Variants in TRIQK observed in about 807,000 individuals in gnomAD.
The protein encoded by TRIQK is triple QxxK/R motif containing.
Under a neutral mutation model 10.8 loss-of-function variants are expected in TRIQK, and 10 were observed. The observed-to-expected ratio is 0.92, with a 90% CI of 0.57 to 1.57. TRIQK has a LOEUF of 1.57. TRIQK is among the 40% of genes most tolerant of loss of function. The pLI is 0.00. For synonymous variants in TRIQK, 33 were observed against 33.7 expected, an observed-to-expected ratio of 0.98 and a Z score of 0.07; for missense variants, 107 against 97.7, an observed-to-expected ratio of 1.09 and a Z score of -0.40.
intron 1 of TRIQK, among the ~76,000 whole-genome samples, chr8:92,987,217 T>G (rs945293517): frequency 6.6e-6 from 1 of 152,218 alleles, no homozygotes; most frequent in Admixed American, 6.5e-5. Flanking sequence ...ACTGACTTAC[T>G]TAAGTGACAT....
chr8:92,886,727 GC>G lies in TRIQK; in HGVS notation c.155del (p.Gly52AlafsTer37). The G allele has an allele frequency of 6.6e-7, 1 of 1,526,354 alleles. No homozygotes were observed. 94.6% of individuals were successfully genotyped at this position (1,526,354 alleles called of 1,614,324 possible). Reference protein sequence around the residue: ...KKTAIGIKEVGLVLAAILALL... With the variant: ...KKTAIGIKEVXLVLAAILALL... ...GTGCCAATATAGCTGCAAGTACAAG[GC>G]CAACTTCCTGGGAAGAAAAAAAAAG... On this transcript the variant is annotated frameshift_variant, in exon 5 of 5. Transcript: ENST00000521988. LOFTEE classifies it high-confidence loss of function.
intron 2 of TRIQK, among the ~76,000 whole-genome samples, chr8:92,952,547 T>G (rs555485462): frequency 1.3e-5 from 2 of 151,784 alleles, no homozygotes; most frequent in African/African-American, 4.8e-5. Context: ...GAAGAAATAT[T>G]TGAAACAATA....
intron 2 of TRIQK, chr8:92,922,748 T>C (rs1298020100): frequency 1.3e-5 from 2 of 151,814 alleles, no homozygotes; most frequent in Non-Finnish European, 3.0e-5. Context: ...GGGCCTATGC[T>C]TTATGAACAG....
chr8:92,940,073 T>C (rs1188164225), intron 2 of TRIQK, among the ~76,000 whole-genome samples: 1 of 152,008 alleles, frequency 6.6e-6, no homozygotes, highest in Non-Finnish European at 1.5e-5. Context: ...ACCCAGAGAG[T>C]AGCATTATCT....
At chr8:92,901,689 G>A (rs373097193) in intron 3 of TRIQK, among the ~76,000 whole-genome samples, 9 of 152,040 alleles carry the variant, frequency 5.9e-5, no homozygotes, top group East Asian at 3.9e-4. Context: ...TTCATTAGGA[G>A]TGGCCTGTAG....
rs568218111 is a variant in TRIQK at position 92,991,042 on chromosome 8, C to T, written c.-181+26567G>A. ...TTCCAGCACAGCAGTCTGAAGTTGACGAGGAACACTCTGGCTTGGTGGGGG... is the reference window on the plus strand; with the variant it reads ...TTCCAGCACAGCAGTCTGAAGTTGATGAGGAACACTCTGGCTTGGTGGGGG... On this transcript the variant is annotated intron_variant, in intron 1 of 4. Coordinates refer to the TRIQK transcript ENST00000520686. Among the ~76,000 whole-genome samples the T allele has an allele frequency of 3.0e-4, 46 of 152,268 alleles. 1 individual carries two copies. The highest frequency in any genetic ancestry group is 9.1e-4 in the African/African-American group (38 of 41,564).
intron 3 of TRIQK, among the ~76,000 whole-genome samples, chr8:92,898,833 GTATATATA>G (rs67063066): frequency 0.032 from 2,381 of 73,896 alleles, 85 homozygotes; most frequent in Admixed American, 0.085. Context: ...GTGTGTGTGT[GTATATATA>G]TATATATATA....
intron 3 of TRIQK, among the ~76,000 whole-genome samples, chr8:92,909,939 A>C (rs766728916): frequency 6.6e-6 from 1 of 151,596 alleles, no homozygotes; most frequent in African/African-American, 2.4e-5. Context: ...AGAAAAATTA[A>C]ACAACGACAT....
intron 2 of TRIQK, among the ~76,000 whole-genome samples, chr8:92,935,766 A>G (rs551185068): frequency 7.9e-5 from 12 of 151,642 alleles, no homozygotes; most frequent in African/African-American, 2.7e-4. Context: ...CTCAATATTC[A>G]GCAGAGATTA....
chr8:92,920,235 T>A lies in TRIQK; in HGVS notation c.-21-3225A>T, dbSNP rs117415938. Reference sequence around the variant, plus strand: ...CCTTTTCTTCCTAGCACAGACTCTATTTCCTAGCCTCAATTACAATATGTC... The same window carrying A: ...CCTTTTCTTCCTAGCACAGACTCTAATTCCTAGCCTCAATTACAATATGTC... On this transcript the variant is annotated intron_variant, in intron 2 of 4. Coordinates refer to ENST00000521988, the MANE Select transcript of TRIQK (RefSeq NM_001171797.2). Among the ~76,000 whole-genome samples the A allele has an allele frequency of 2.2e-3, 331 of 151,770 alleles. 2 individuals carry two copies. The highest frequency in any genetic ancestry group is 4.2e-3 in the Non-Finnish European group (284 of 67,680).
At chr8:92,914,783 T>C (rs1281874814) in intron 3 of TRIQK, among the ~76,000 whole-genome samples, 1 of 152,080 alleles carries the variant, frequency 6.6e-6, no homozygotes, top group African/African-American at 2.4e-5. Context: ...TGTATATTCT[T>C]AGTAGAAATG....
chr8:92,900,667 T>C (rs1254729121), intron 3 of TRIQK, among the ~76,000 whole-genome samples: 2 of 152,080 alleles, frequency 1.3e-5, no homozygotes, highest in Non-Finnish European at 2.9e-5. Flanking sequence ...TTGAAGTCAG[T>C]TAATGTGATT....
intron 3 of TRIQK, among the ~76,000 whole-genome samples, chr8:92,897,439 T>C (rs1022521361): frequency 1.3e-5 from 2 of 152,174 alleles, no homozygotes; most frequent in African/African-American, 4.8e-5. Context: ...GTGGGACTTT[T>C]AAGAGATTAT....
At chr8:92,975,714 G>C (rs890868521) in intron 1 of TRIQK, among the ~76,000 whole-genome samples, 3 of 151,102 alleles carry the variant, frequency 2.0e-5, no homozygotes, top group Non-Finnish European at 4.4e-5. Context: ...GCTAACTTTG[G>C]ATTTAATTTG....
At chr8:92,926,303 T>C (rs1810445946) in intron 2 of TRIQK, 1 of 152,126 alleles carries the variant, frequency 6.6e-6, no homozygotes, top group South Asian at 2.1e-4. Flanking sequence ...CACTTGACAA[T>C]GGTGACCTCT....
intron 3 of TRIQK, 131 bp from the exon 4 acceptor site, chr8:92,892,205 G>T: frequency 1.7e-6 from 1 of 598,948 alleles, no homozygotes; most frequent in Non-Finnish European, 2.7e-6. Flanking sequence ...TCCCAGTTGT[G>T]GTAACCATAA....
intron 3 of TRIQK, among the ~76,000 whole-genome samples, chr8:92,904,525 T>C (rs1176809898): frequency 6.6e-6 from 1 of 152,144 alleles, no homozygotes; most frequent in Admixed American, 6.6e-5. Flanking sequence ...ATTTTCTTAC[T>C]GTAGCAGAAT....
chr8:92,906,307 G>A (rs1809255170), intron 3 of TRIQK, among the ~76,000 whole-genome samples: 1 of 152,154 alleles, frequency 6.6e-6, no homozygotes, highest in South Asian at 2.1e-4. Flanking sequence ...GGTAATTTAT[G>A]CTGGTTATCA....
intron 3 of TRIQK, among the ~76,000 whole-genome samples, chr8:92,911,926 C>A (rs927679724): frequency 6.8e-6 from 1 of 146,626 alleles, no homozygotes; most frequent in East Asian, 2.0e-4. Context: ...TATATATGCA[C>A]CCAACATCAA....
Sources: gnomAD v4.1 joint callset for allele counts (sites outside exome capture counted in the v4.1 genomes callset) on GRCh38, gnomAD v4.1.1 for gene constraint, MANE v1.5 for transcripts, NCBI Gene and HGNC (gene_info 2026-07-23, HGNC 2026-07-21) for gene names.